The following DGKG variants were observed in gnomAD, a reference collection of about 807,000 sequenced individuals.
The protein encoded by DGKG is DAG kinase gamma.
Under a neutral mutation model 105.3 loss-of-function variants are expected in DGKG, and 78 were observed. That is an observed-to-expected ratio of 0.74 (90% CI 0.62 to 0.89). The LOEUF (loss-of-function observed/expected upper bound fraction) is 0.89. DGKG is among the 40% of genes least tolerant of loss of function. DGKG has a pLI of 0.00. For missense variants in DGKG, 958 were observed against 1,020.1 expected, an observed-to-expected ratio of 0.94 and a Z score of 0.83; for synonymous variants, 346 against 367.1, an observed-to-expected ratio of 0.94 and a Z score of 0.66.
chr3:186,360,515 T>C (rs1727177792), intron 1 of DGKG, among the ~76,000 whole-genome samples: 1 of 152,180 alleles, frequency 6.6e-6, no homozygotes, highest in South Asian at 2.1e-4. Context: ...TGTAGTCTTT[T>C]AATATGACAA....
At chr3:186,280,599 A>G (rs1722785105) in intron 8 of DGKG, 71 bp downstream of exon 8, 3 of 1,225,078 alleles carry the variant, frequency 2.4e-6, no homozygotes, top group Non-Finnish European at 3.6e-6. Context: ...ACACTCATTC[A>G]TGTCTTGAGT....
chr3:186,186,740 A>G (rs540508401), intron 22 of DGKG, among the ~76,000 whole-genome samples: 3 of 152,236 alleles, frequency 2.0e-5, no homozygotes, highest in East Asian at 1.9e-4. Context: ...TCACCTGTCC[A>G]TTGAGGACCT....
rs552343813 is a variant in DGKG at position 186,204,823 on chromosome 3, C to T, written c.1917+6972G>A. Reference sequence around the variant, plus strand: ...GTCATATAGGCTATAAATGCATTTTCGGATTGGCGTGTATTGCTGAACCGC... The same window carrying T: ...GTCATATAGGCTATAAATGCATTTTTGGATTGGCGTGTATTGCTGAACCGC... On this transcript the variant is annotated intron_variant, in intron 21 of 24. Coordinates refer to ENST00000265022, the MANE Select transcript of DGKG (RefSeq NM_001346.3). Among the ~76,000 whole-genome samples, 11 of 152,228 alleles carry T rather than the reference C, an allele frequency of 7.2e-5. No individual in the cohort carries two copies. In the East Asian group the frequency reaches 1.4e-3, roughly 19 times the overall value.
In DGKG at chr3:186,299,435, A is replaced by G. The variant is rs934048171; in HGVS notation, c.145-1206T>C. On this transcript the variant is annotated intron_variant, in intron 3 of 24. Coordinates refer to ENST00000265022, the MANE Select transcript of DGKG (RefSeq NM_001346.3). ...TCCCCACCCCACTGAGGGGCTCACA[A>G]ATAAATTTCTGTTTAGCACCAGGCT... Among the ~76,000 whole-genome samples the G allele has an allele frequency of 5.3e-5, 8 of 152,304 alleles. No homozygotes were observed. In the East Asian group the frequency reaches 1.5e-3, roughly 29 times the overall value.
intron 9 of DGKG, 107 bp from the exon 10 acceptor site, chr3:186,275,771 G>T: frequency 1.5e-6 from 1 of 679,184 alleles, no homozygotes; most frequent in Non-Finnish European, 2.4e-6. Flanking sequence ...TAGAAGATGA[G>T]TTATTGATAT....
At chr3:186,337,354 A>G (rs1725877076) in intron 1 of DGKG, among the ~76,000 whole-genome samples, 1 of 152,174 alleles carries the variant, frequency 6.6e-6, no homozygotes, top group Non-Finnish European at 1.5e-5. Flanking sequence ...TCATATGACC[A>G]TCTCAATATA....
intron 21 of DGKG, among the ~76,000 whole-genome samples, chr3:186,195,130 A>G (rs1718116966): frequency 6.6e-6 from 1 of 152,076 alleles, no homozygotes; most frequent in African/African-American, 2.4e-5. Flanking sequence ...GTATTTTCAA[A>G]CATATAGGGA....
At chr3:186,186,096 CAA>C (rs3049465) in intron 22 of DGKG, among the ~76,000 whole-genome samples, 6 of 75,272 alleles carry the variant, frequency 8.0e-5, no homozygotes, top group Non-Finnish European at 1.2e-4. Flanking sequence ...GACTCTGCCT[CAA>C]AAAAAAAAAA....
At chr3:186,207,446 T>C in intron 21 of DGKG, 5 of 985,410 alleles carry the variant, frequency 5.1e-6, no homozygotes, top group Non-Finnish European at 6.0e-6. Context: ...TGTGTCCCCC[T>C]TCTCTGGAAA....
At chr3:186,174,921 T>C (rs1308521196) in intron 22 of DGKG, among the ~76,000 whole-genome samples, 3 of 152,192 alleles carry the variant, frequency 2.0e-5, no homozygotes, top group Non-Finnish European at 4.4e-5. Context: ...CCAGAGGGCA[T>C]TGAGTGGCCT....
At chr3:186,154,572 G>C (rs1312454329) in intron 24 of DGKG, among the ~76,000 whole-genome samples, 2 of 149,598 alleles carry the variant, frequency 1.3e-5, no homozygotes, top group Admixed American at 1.3e-4. Flanking sequence ...TTGAACCTGG[G>C]AGGCACAGGT....
At chr3:186,216,745 T>A (rs1451487125) in intron 20 of DGKG, among the ~76,000 whole-genome samples, 3 of 152,142 alleles carry the variant, frequency 2.0e-5, no homozygotes, top group African/African-American at 7.2e-5. Flanking sequence ...AGAGCCTGAG[T>A]GCAATGTTCC....
chr3:186,242,652 G>C, intron 19 of DGKG, 84 bp from the exon 20 acceptor site: 1 of 1,166,382 alleles, frequency 8.6e-7, no homozygotes, highest in Non-Finnish European at 1.2e-6. Context: ...GCATGCACTC[G>C]CTGAGTCATG....
intron 21 of DGKG, among the ~76,000 whole-genome samples, chr3:186,192,808 T>C (rs542017361): frequency 3.2e-4 from 49 of 152,358 alleles, no homozygotes; most frequent in Admixed American, 7.2e-4. Context: ...GAGCAATGCC[T>C]GGCACATCAA....
chr3:186,199,427 T>C (rs1718340989), intron 21 of DGKG, among the ~76,000 whole-genome samples: 1 of 151,948 alleles, frequency 6.6e-6, no homozygotes, highest in African/African-American at 2.4e-5. Context: ...ATTATTAATA[T>C]ATATCATTTA....
At chr3:186,222,560 T>C (rs922923196) in intron 20 of DGKG, among the ~76,000 whole-genome samples, 7 of 152,170 alleles carry the variant, frequency 4.6e-5, no homozygotes, top group African/African-American at 1.7e-4. Flanking sequence ...TACACACACA[T>C]GGTCGGGTGC....
chr3:186,273,062 C>T (rs1578759006), intron 10 of DGKG, among the ~76,000 whole-genome samples: 8 of 152,112 alleles, frequency 5.3e-5, no homozygotes, highest in Admixed American at 5.2e-4. Context: ...CCGTGACAAT[C>T]CACATGACCT....
chr3:186,328,412 A>G (rs1725447051), intron 1 of DGKG, among the ~76,000 whole-genome samples: 1 of 152,190 alleles, frequency 6.6e-6, no homozygotes, highest in African/African-American at 2.4e-5. Context: ...GGCACAAATA[A>G]TCAGGAAAAG....
chr3:186,331,808 G>A (rs999724687), intron 1 of DGKG, among the ~76,000 whole-genome samples: 1 of 152,196 alleles, frequency 6.6e-6, no homozygotes, highest in Non-Finnish European at 1.5e-5. Context: ...ACAAATCACT[G>A]TAATAACAAG....
Sources: gnomAD v4.1 joint callset for allele counts (sites outside exome capture counted in the v4.1 genomes callset) on GRCh38, gnomAD v4.1.1 for gene constraint, MANE v1.5 for transcripts, NCBI Gene and HGNC (gene_info 2026-07-23, HGNC 2026-07-21) for gene names.